PTPN1: variants seen among roughly 807,000 people sequenced by gnomAD.
PTPN1 encodes the protein protein tyrosine phosphatase non-receptor type 1, also known as tyrosine-protein phosphatase non-receptor type 1.
PTPN1 carries 12 observed loss-of-function variants against 59.9 expected under a neutral mutation model. The ratio of observed to expected loss-of-function variants is 0.20; its 90% CI spans 0.13 to 0.32. The LOEUF is 0.32. Ranked by LOEUF, PTPN1 falls within the 10% of genes least tolerant of loss-of-function variation. The probability of loss-of-function intolerance (pLI) is 1.00; values close to 1 mark genes in which losing one functional copy is unlikely to be tolerated. For missense variants in PTPN1, 356 were observed against 549.2 expected, an observed-to-expected ratio of 0.65 and a Z score of 3.52; for synonymous variants, 178 against 203.6, an observed-to-expected ratio of 0.87 and a Z score of 1.07.
At chr20:50,530,912 C>T (rs1298053032) in intron 1 of PTPN1, among the ~76,000 whole-genome samples, 1 of 151,926 alleles carries the variant, frequency 6.6e-6, no homozygotes, top group Non-Finnish European at 1.5e-5. Flanking sequence ...CTATTTTGCC[C>T]AGGCTAGTCT....
At chr20:50,575,475 G>A (rs1356050255) in intron 5 of PTPN1, among the ~76,000 whole-genome samples, 1 of 152,238 alleles carries the variant, frequency 6.6e-6, no homozygotes. Context: ...TGTGTAGCAC[G>A]GGCTTTATCT....
intron 1 of PTPN1, among the ~76,000 whole-genome samples, chr20:50,528,133 G>A (rs958601626): frequency 5.9e-5 from 9 of 152,006 alleles, no homozygotes; most frequent in African/African-American, 1.2e-4. Context: ...ACTGATTCTC[G>A]TTCTTCTTTC....
chr20:50,559,093 G>A (rs1057360261), intron 1 of PTPN1, among the ~76,000 whole-genome samples: 9 of 147,470 alleles, frequency 6.1e-5, no homozygotes, highest in African/African-American at 1.0e-4. Context: ...GTGCAGTGGC[G>A]CCAACTCGGC....
intron 1 of PTPN1, among the ~76,000 whole-genome samples, chr20:50,515,375 G>A (rs558513461): frequency 2.0e-4 from 30 of 152,282 alleles, no homozygotes; most frequent in South Asian, 1.7e-3. Flanking sequence ...GTTTTGTTCC[G>A]TCACCTGTGT....
At chr20:50,554,015 G>A (rs1477691026) in intron 1 of PTPN1, among the ~76,000 whole-genome samples, 5 of 152,114 alleles carry the variant, frequency 3.3e-5, no homozygotes, top group African/African-American at 4.8e-5. Flanking sequence ...ATACTTGAAG[G>A]AATAAGGTTC....
intron 4 of PTPN1, among the ~76,000 whole-genome samples, chr20:50,570,362 T>G (rs1003340380): frequency 3.9e-5 from 6 of 152,192 alleles, no homozygotes; most frequent in Non-Finnish European, 7.3e-5. Context: ...TTTTAAAAAA[T>G]GAAAGTGTTT....
chr20:50,556,735 A>G (rs2082727705), intron 1 of PTPN1, among the ~76,000 whole-genome samples: 1 of 152,088 alleles, frequency 6.6e-6, no homozygotes, highest in African/African-American at 2.4e-5. Context: ...CAGGTGGATC[A>G]CCTGAAGTCA....
intron 1 of PTPN1, among the ~76,000 whole-genome samples, chr20:50,515,713 CAA>C (rs996697040): frequency 3.7e-4 from 56 of 152,336 alleles, no homozygotes; most frequent in African/African-American, 1.3e-3. Flanking sequence ...AGGTACCTAA[CAA>C]GAGTTGGGAT....
At chr20:50,558,325 A>G (rs560057308) in intron 1 of PTPN1, among the ~76,000 whole-genome samples, 26 of 152,362 alleles carry the variant, frequency 1.7e-4, no homozygotes, top group Middle Eastern at 3.4e-3. Context: ...AAAGAAGCAG[A>G]TGAAATTAAT....
At chr20:50,517,037 A>C (rs2082531806) in intron 1 of PTPN1, among the ~76,000 whole-genome samples, 1 of 152,224 alleles carries the variant, frequency 6.6e-6, no homozygotes, top group African/African-American at 2.4e-5. Context: ...GCAGCTTGAC[A>C]TAATCATGAG....
At chr20:50,577,878 G>C (rs1416232950) in intron 5 of PTPN1, 1 of 154,444 alleles carries the variant, frequency 6.5e-6, no homozygotes, top group Non-Finnish European at 1.4e-5. Context: ...TGCCTCTTCA[G>C]CTGGGTGTTG....
At chr20:50,555,859 C>A (rs940407870) in intron 1 of PTPN1, among the ~76,000 whole-genome samples, 1 of 151,960 alleles carries the variant, frequency 6.6e-6, no homozygotes, top group Non-Finnish European at 1.5e-5. Context: ...GGTAAATATT[C>A]GTTAGCTGAG....
At chr20:50,562,299 T>C (rs2082756523) in intron 2 of PTPN1, among the ~76,000 whole-genome samples, 1 of 152,186 alleles carries the variant, frequency 6.6e-6, no homozygotes, top group Non-Finnish European at 1.5e-5. Context: ...TGCCCATGGC[T>C]GGGAGTGGTG....
intron 1 of PTPN1, among the ~76,000 whole-genome samples, chr20:50,524,607 C>G (rs1275333099): frequency 1.2e-5 from 1 of 81,506 alleles, no homozygotes; most frequent in Non-Finnish European, 2.2e-5. Flanking sequence ...GGTGGAGTCT[C>G]GCTCTGTCAC....
chr20:50,551,546 C>T (rs956556795), intron 1 of PTPN1, among the ~76,000 whole-genome samples: 2 of 152,188 alleles, frequency 1.3e-5, no homozygotes, highest in Non-Finnish European at 2.9e-5. Context: ...CATGATCAGG[C>T]GTGCACTCTG....
intron 8 of PTPN1, among the ~76,000 whole-genome samples, chr20:50,580,655 A>G (rs1311090961): frequency 6.6e-6 from 1 of 152,034 alleles, no homozygotes; most frequent in South Asian, 2.1e-4. Context: ...TTCTGGAGGG[A>G]AGTTTTAAGA....
intron 1 of PTPN1, among the ~76,000 whole-genome samples, chr20:50,535,869 C>T (rs143796532): frequency 5.9e-5 from 9 of 152,096 alleles, no homozygotes; most frequent in East Asian, 1.9e-4. Context: ...TACTGGTCCC[C>T]GTCCCCCACC....
chr20:50,566,053 C>T (rs1348147115), intron 3 of PTPN1, among the ~76,000 whole-genome samples: 3 of 152,156 alleles, frequency 2.0e-5, no homozygotes, highest in Admixed American at 2.0e-4. Context: ...AGAGCATCAG[C>T]CCAGCTGTGT....
At chr20:50,573,524 T>A (rs2082821220) in intron 4 of PTPN1, 1 of 152,220 alleles carries the variant, frequency 6.6e-6, no homozygotes, top group Admixed American at 6.5e-5. Flanking sequence ...GTGGTTCCCT[T>A]CACCCACACC....
Sources: gnomAD v4.1 joint callset for allele counts (sites outside exome capture counted in the v4.1 genomes callset) on GRCh38, gnomAD v4.1.1 for gene constraint, MANE v1.5 for transcripts, NCBI Gene and HGNC (gene_info 2026-07-23, HGNC 2026-07-21) for gene names.